The following CHIA variants were observed in gnomAD, a reference collection of about 807,000 sequenced individuals.
CHIA encodes acidic mammalian chitinase.
CHIA carries 47 observed loss-of-function variants against 53.5 expected under a neutral mutation model. The ratio of observed to expected loss-of-function variants is 0.88; its 90% CI spans 0.70 to 1.12. CHIA has a LOEUF of 1.12. Among genes scored for constraint, CHIA ranks in the 50% most tolerant of loss-of-function variants. CHIA has a pLI of 0.00. For missense variants in CHIA, 652 were observed against 592.2 expected (o/e 1.10, Z -1.05); for synonymous variants, 268 against 222.2 (o/e 1.21, Z -1.83).
At chr1:111,300,627 C>T (rs1006362077) in intron 1 of CHIA, among the ~76,000 whole-genome samples, 1 of 152,116 alleles carries the variant, frequency 6.6e-6, no homozygotes. Flanking sequence ...ACCATAAAAA[C>T]CCTAGAGGAA....
chr1:111,309,805 A>G (rs1648515501), intron 1 of CHIA, among the ~76,000 whole-genome samples: 1 of 152,212 alleles, frequency 6.6e-6, no homozygotes, highest in African/African-American at 2.4e-5. Context: ...TTAGCAACGC[A>G]GTTTTTAGGG....
intron 1 of CHIA, among the ~76,000 whole-genome samples, chr1:111,301,980 C>A (rs1408918927): frequency 6.6e-6 from 1 of 152,036 alleles, no homozygotes; most frequent in South Asian, 2.1e-4. Flanking sequence ...GTGCAGCAAA[C>A]CAACATGGCA....
chr1:111,312,120 G>T (rs1156855386), intron 3 of CHIA, 70 bp from the exon 4 acceptor site: 5 of 1,312,314 alleles, frequency 3.8e-6, no homozygotes, highest in Non-Finnish European at 5.5e-6. Context: ...ACAGAGGCAA[G>T]GCCAAAACTC....
chr1:111,314,657 G>A (rs1648999120), intron 5 of CHIA, 61 bp downstream of exon 5: 3 of 1,165,726 alleles, frequency 2.6e-6, no homozygotes, highest in Middle Eastern at 1.9e-4. Flanking sequence ...AGCCCCATGT[G>A]ATCACTGTCC....
At chr1:111,306,846 G>A (rs1321729444) in intron 1 of CHIA, among the ~76,000 whole-genome samples, 1 of 152,146 alleles carries the variant, frequency 6.6e-6, no homozygotes, top group East Asian at 1.9e-4. Flanking sequence ...TGTCAAAAAT[G>A]CTCAACCACA....
At chr1:111,295,877 G>A in intron 1 of CHIA, among the ~76,000 whole-genome samples, 1 of 152,246 alleles carries the variant, frequency 6.6e-6, no homozygotes, top group Non-Finnish European at 1.5e-5. Flanking sequence ...CTTTTCCAAA[G>A]GTATTAGCAA....
intron 9 of CHIA, 94 bp downstream of exon 9, chr1:111,318,772 C>T (rs1457400317): frequency 6.6e-6 from 9 of 1,357,394 alleles, no homozygotes; most frequent in Non-Finnish European, 9.1e-6. Flanking sequence ...ATTCTGTCTC[C>T]TACCTAAATG....
At position 111,318,628 on chromosome 1, in the gene CHIA, G is replaced by T. The variant is rs763691746; in HGVS notation, c.865G>T (p.Gly289Cys). Residue 289 changes from glycine to cysteine, a missense_variant, in exon 9 of 12, where the codon GGT becomes TGT. By Grantham distance (159) the Gly-to-Cys change is radical. Transcript: ENST00000369740. Reference sequence around the variant, plus strand: ...AATTGGTGCCCCCACCTCTGGTGCTGGTCCTGCTGGGCCCTATGCCAAGGA... The same window carrying T: ...AATTGGTGCCCCCACCTCTGGTGCTTGTCCTGCTGGGCCCTATGCCAAGGA... ...TGIGAPTSGA[G>C]PAGPYAKESG... is the part of the protein sequence containing the mutation. 3 of 1,614,174 alleles carry T rather than the reference G, an allele frequency of 1.9e-6. No individual in the cohort carries two copies.
chr1:111,305,081 T>C (rs1648070670), intron 1 of CHIA, among the ~76,000 whole-genome samples: 1 of 152,152 alleles, frequency 6.6e-6, no homozygotes, highest in Admixed American at 6.5e-5. Flanking sequence ...TGTTTTGTTG[T>C]TTTTGTTGTA....
intron 1 of CHIA, among the ~76,000 whole-genome samples, chr1:111,306,762 G>A (rs1648217702): frequency 6.6e-6 from 1 of 152,088 alleles, no homozygotes; most frequent in Non-Finnish European, 1.5e-5. Flanking sequence ...AAACTTGTGG[G>A]CAGCACAATA....
intron 1 of CHIA, among the ~76,000 whole-genome samples, chr1:111,294,873 A>G (rs1661246185): frequency 6.6e-6 from 1 of 152,172 alleles, no homozygotes; most frequent in South Asian, 2.1e-4. Context: ...TCTTGCATTC[A>G]ATGAATAAAT....
intron 11 of CHIA, 136 bp downstream of exon 11, chr1:111,319,604 G>C: frequency 1.2e-6 from 1 of 820,016 alleles, no homozygotes; most frequent in Middle Eastern, 3.7e-4. Flanking sequence ...GCCCAGATGA[G>C]AGACAGGTTT....
Position 111,319,188 on chromosome 1 carries a change from T to C in CHIA, c.984T>C (p.Tyr328=). 2 of 1,612,226 alleles carry C rather than the reference T, an allele frequency of 1.2e-6. No homozygotes were observed. Among genetic ancestry groups the C allele is most frequent in the Non-Finnish European group, 1.7e-6 (2 of 1,180,018 alleles). ...WDAPQEVPYA[Y]QGNVWVGYDN... is the part of the protein sequence containing the mutation. The stretch of plus-strand genomic sequence containing the variant: ...CCCCTCAGGAAGTGCCTTATGCCTA[T>C]CAGGGCAATGTGTGGGTTGGCTATG... Residue 328 remains tyrosine, a synonymous_variant, in exon 10 of 12, where the codon TAT becomes TAC. Coordinates refer to ENST00000369740, the MANE Select transcript of CHIA (RefSeq NM_201653.4).
chr1:111,310,555 T>G, intron 2 of CHIA, 63 bp downstream of exon 2: 1 of 1,611,918 alleles, frequency 6.2e-7, no homozygotes, highest in Non-Finnish European at 8.5e-7. Flanking sequence ...TCACAGGCTC[T>G]GAAAATCATG....
Position 111,320,391 on chromosome 1 carries a change from T to G in CHIA, c.1356T>G (p.Asn452Lys). 1 of 1,614,174 alleles carries G rather than the reference T, an allele frequency of 6.2e-7. No individual in the cohort carries two copies. ...NNRNAFWHCV[N>K]GVTYQQNCQA... ...GAAATGCCTTCTGGCACTGCGTGAATGGAGTCACGTACCAGCAGAACTGCC... is the reference window on the plus strand; with the variant it reads ...GAAATGCCTTCTGGCACTGCGTGAAGGGAGTCACGTACCAGCAGAACTGCC... The change falls in exon 12 of 12, where the codon AAT becomes AAG. Residue 452 changes from asparagine to lysine, a missense_variant. Physicochemically the swap from Asn to Lys is moderately conservative, Grantham distance 94. Coordinates refer to ENST00000369740, the MANE Select transcript of CHIA (RefSeq NM_201653.4).
Position 111,319,140 on chromosome 1 carries a change from T to C in CHIA, c.936T>C (p.Asn312=). The change falls in exon 10 of 12, where the codon AAT becomes AAC. Residue 312 remains asparagine, a synonymous_variant. Transcript: ENST00000369740. ...GAAAGATCTGTACCTTCCTGAAAAA[T>C]GGAGCCACTCAGGGATGGGATGCCC... ...AYYEICTFLK[N]GATQGWDAPQ... is the part of the protein sequence containing the mutation. 1 of 1,613,616 alleles carries C rather than the reference T, an allele frequency of 6.2e-7. No homozygotes were observed. Among genetic ancestry groups the C allele is most frequent in the East Asian group, 2.2e-5 (1 of 44,888 alleles).
In CHIA at chr1:111,320,386, G is replaced by A. The variant is rs545102298; in HGVS notation, c.1351G>A (p.Val451Met). ...TAACAGAAATGCCTTCTGGCACTGC[G>A]TGAATGGAGTCACGTACCAGCAGAA... Reference protein sequence around the residue: ...ANNRNAFWHCVNGVTYQQNCQ... With the variant: ...ANNRNAFWHCMNGVTYQQNCQ... The change falls in exon 12 of 12, where the codon GTG becomes ATG. Residue 451 changes from valine to methionine, a missense_variant. Physicochemically the swap from Val to Met is conservative, Grantham distance 21. Coordinates refer to ENST00000369740, the MANE Select transcript of CHIA (RefSeq NM_201653.4). The A allele has an allele frequency of 1.8e-5, 29 of 1,614,226 alleles. No individual in the cohort carries two copies. Among genetic ancestry groups the A allele is most frequent in the South Asian group, 1.5e-4 (14 of 91,090 alleles).
At chr1:111,317,847 T>A in intron 7 of CHIA, 42 bp downstream of exon 7, 1 of 1,613,298 alleles carries the variant, frequency 6.2e-7, no homozygotes, top group South Asian at 1.1e-5. Flanking sequence ...GAGGTGTCAC[T>A]CGGGCACACT....
At chr1:111,315,537 T>A in intron 6 of CHIA, 102 bp downstream of exon 6, 1 of 1,196,402 alleles carries the variant, frequency 8.4e-7, no homozygotes. Flanking sequence ...GAATTTAAAC[T>A]GATAGAATAT....
Sources: gnomAD v4.1 joint callset for allele counts (sites outside exome capture counted in the v4.1 genomes callset) on GRCh38, gnomAD v4.1.1 for gene constraint, MANE v1.5 for transcripts, NCBI Gene and HGNC (gene_info 2026-07-23, HGNC 2026-07-21) for gene names.